Variants in CUX1 observed in about 807,000 individuals in gnomAD.
CUX1 encodes cut like homeobox 1.
CUX1 carries 31 observed loss-of-function variants against 158.8 expected under a neutral mutation model. The observed-to-expected ratio is 0.20, with a 90% CI of 0.15 to 0.26. The LOEUF is 0.26. CUX1 is among the 10% of genes least tolerant of loss of function. The pLI, the probability that CUX1 is intolerant of heterozygous loss-of-function variation, is 1.00. For missense variants in CUX1, 1,589 were observed against 2,014.6 expected (o/e 0.79, Z 4.04); for synonymous variants, 879 against 862.1 (o/e 1.02, Z -0.34).
intron 2 of CUX1, among the ~76,000 whole-genome samples, chr7:101,959,838 A>T (rs567517026): frequency 6.6e-6 from 1 of 152,318 alleles, no homozygotes; most frequent in African/African-American, 2.4e-5. Flanking sequence ...GACATGGTAC[A>T]ACCTGTGGAC....
At position 102,201,827 on chromosome 7, in the gene CUX1, G is replaced by C. The variant is rs782040276; in HGVS notation, c.2530G>C (p.Glu844Gln). Residue 844 changes from glutamate to glutamine, a missense_variant, in exon 18 of 24, where the codon GAA (glutamate) becomes CAA (glutamine). Physicochemically the swap from Glu to Gln is conservative, Grantham distance 29. This residue lies in a region of CUX1 where 337 missense variants were observed against 409.3 expected (regional missense o/e 0.82). Coordinates refer to ENST00000292535, the MANE Select transcript of CUX1 (RefSeq NM_181552.4). This position sits in a 1 kb window ranked among gnomAD's most constrained non-coding sequence, Gnocchi z 5.0. ...CGCCTCCTCCGAGGAGGCCAAGGCC[G>C]AAGAAACGGGCGGCGGGAAAGAGAA... ...NAASSEEAKA[E>Q]ETGGGKEKGS... is the part of the protein sequence containing the mutation. The C allele has an allele frequency of 1.2e-6, 2 of 1,613,168 alleles. No individual in the cohort carries two copies. Among genetic ancestry groups the C allele is most frequent in the South Asian group, 2.2e-5 (2 of 91,076 alleles).
intron 1 of CUX1, among the ~76,000 whole-genome samples, chr7:101,906,167 C>G (rs559062359): frequency 3.9e-4 from 59 of 152,018 alleles, no homozygotes; most frequent in African/African-American, 1.4e-3. Context: ...CTGTGATGTC[C>G]CCAGGACCCT....
At chr7:102,199,568 G>A (rs1795177028) in intron 16 of CUX1, among the ~76,000 whole-genome samples, 1 of 152,202 alleles carries the variant, frequency 6.6e-6, no homozygotes, top group Admixed American at 6.5e-5. Flanking sequence ...GTGATAATAG[G>A]TGCAAACAAT....
Position 102,272,220 on chromosome 7 carries a change from C to T in CUX1, c.1256-1146C>T, listed in dbSNP as rs535080047. On this transcript the variant is annotated intron_variant, in intron 14 of 22. Coordinates refer to the CUX1 transcript ENST00000292538. ...TTGGTGTGCAGTGGGAACCCAGGAGCATGTGGGGGTGAGGCTGGGCTGCCC... is the reference window on the plus strand; with the variant it reads ...TTGGTGTGCAGTGGGAACCCAGGAGTATGTGGGGGTGAGGCTGGGCTGCCC... Among the ~76,000 whole-genome samples the T allele has an allele frequency of 5.9e-5, 9 of 152,306 alleles. No individual in the cohort carries two copies. The East Asian group carries it at 1.7e-3, about 29-fold the overall frequency.
chr7:101,915,319 C>G (rs1426729494), intron 1 of CUX1, among the ~76,000 whole-genome samples: 1 of 152,094 alleles, frequency 6.6e-6, no homozygotes, highest in Non-Finnish European at 1.5e-5. Flanking sequence ...TTCTCTGGCG[C>G]GTTGATTATC....
intron 12 of CUX1, among the ~76,000 whole-genome samples, 191 bp downstream of exon 12, chr7:102,190,062 G>T (rs1292859941): frequency 6.6e-6 from 1 of 152,266 alleles, no homozygotes; most frequent in Admixed American, 6.5e-5. Flanking sequence ...TTGCCCTTGG[G>T]CCTGTCCCTG....
At chr7:102,185,390 C>T (rs1490340505) in intron 11 of CUX1, among the ~76,000 whole-genome samples, 1 of 152,006 alleles carries the variant, frequency 6.6e-6, no homozygotes, top group Non-Finnish European at 1.5e-5. Context: ...GAAGTCAAGT[C>T]TGGGTGGGTA....
chr7:102,082,339 C>T (rs1330117893), intron 4 of CUX1, among the ~76,000 whole-genome samples: 1 of 146,458 alleles, frequency 6.8e-6, no homozygotes, highest in Non-Finnish European at 1.5e-5. Context: ...CCAGCCTGGC[C>T]AACATGGTGA....
chr7:101,853,601 G>GTGTGTGTGTGTGTGTGTGTGTA (rs1274573868), intron 1 of CUX1, among the ~76,000 whole-genome samples: 2 of 151,892 alleles, frequency 1.3e-5, no homozygotes, highest in African/African-American at 4.8e-5. Flanking sequence ...GTGTGTGTGT[G>GTGTGTGTGTGTGTGTGTGTGTA]TGTGTGTGTG....
chr7:102,243,594 G>C (rs184207484), intron 23 of CUX1, among the ~76,000 whole-genome samples: 2 of 150,786 alleles, frequency 1.3e-5, no homozygotes, highest in East Asian at 3.9e-4. Context: ...GAGGCCAGGA[G>C]TTTGAGACCA....
chr7:101,917,119 C>T (rs1421138080), intron 2 of CUX1, among the ~76,000 whole-genome samples: 1 of 152,178 alleles, frequency 6.6e-6, no homozygotes, highest in African/African-American at 2.4e-5. Context: ...TTCTCCGTAT[C>T]GTAGCTCTTG....
chr7:102,176,490 G>A lies in CUX1; in HGVS notation c.829-1979G>A, dbSNP rs181780661. ...CTCTGCCCTCTCCACCCCTGTCCCC[G>A]TCTGTCATGCCCAGAATTGCATCTG... On this transcript the variant is annotated intron_variant, in intron 10 of 23. Coordinates refer to ENST00000292535, the MANE Select transcript of CUX1 (RefSeq NM_181552.4). Among the ~76,000 whole-genome samples the A allele has an allele frequency of 8.0e-5, 12 of 149,780 alleles. No individual in the cohort carries two copies. The South Asian group carries it at 8.4e-4, about 11-fold the overall frequency.
In CUX1 at chr7:102,277,382, G is replaced by C. The variant is rs371684512; in HGVS notation, c.1564-567G>C. Among the ~76,000 whole-genome samples the C allele has an allele frequency of 4.2e-4, 64 of 152,210 alleles. No homozygotes were observed. The South Asian group carries it at 6.6e-3, about 16-fold the overall frequency. On this transcript the variant is annotated intron_variant, in intron 17 of 22. Transcript: ENST00000292538. ...AGGCAGAGATGGGTGGATCACCTGA[G>C]ATCAGGAGTTCGAGACCAGCCTGAA...
At chr7:102,274,169 C>A in intron 15 of CUX1, 1 of 1,461,154 alleles carries the variant, frequency 6.8e-7, no homozygotes, top group South Asian at 1.1e-5. Context: ...TGCCATTTGC[C>A]TTGGCCATGC....
intron 1 of CUX1, among the ~76,000 whole-genome samples, chr7:101,903,078 T>C (rs1802334028): frequency 6.6e-6 from 1 of 152,192 alleles, no homozygotes; most frequent in Non-Finnish European, 1.5e-5. Flanking sequence ...AAGCCTCGGT[T>C]TCCTTATCTG....
intron 1 of CUX1, chr7:101,913,228 C>T (rs1803701009): frequency 2.4e-6 from 1 of 424,816 alleles, no homozygotes. Flanking sequence ...GGGGCGGCGG[C>T]AGCTCAGTCT....
intron 2 of CUX1, among the ~76,000 whole-genome samples, chr7:101,985,617 T>C (rs1176048796): frequency 6.6e-6 from 1 of 152,230 alleles, no homozygotes; most frequent in Non-Finnish European, 1.5e-5. Flanking sequence ...GCCAGGTGGC[T>C]GGGCCACTTT....
intron 12 of CUX1, among the ~76,000 whole-genome samples, 187 bp from the exon 13 acceptor site, chr7:102,193,655 A>T (rs1030527436): frequency 6.6e-6 from 1 of 152,220 alleles, no homozygotes; most frequent in Non-Finnish European, 1.5e-5. Flanking sequence ...AAATACAAAA[A>T]TTAGCTGGGC....
At chr7:101,889,475 A>G (rs1208745544) in intron 1 of CUX1, among the ~76,000 whole-genome samples, 1 of 152,150 alleles carries the variant, frequency 6.6e-6, no homozygotes, top group Non-Finnish European at 1.5e-5. Flanking sequence ...TTCTCCTTCT[A>G]AAAACATCCA....
Sources: gnomAD v4.1 joint callset for allele counts (sites outside exome capture counted in the v4.1 genomes callset) on GRCh38, gnomAD v4.1.1 for gene constraint, gnomAD v4.1.1 regional missense constraint, Gnocchi (gnomAD v3.1) non-coding constraint, MANE v1.5 for transcripts, NCBI Gene and HGNC (gene_info 2026-07-23, HGNC 2026-07-21) for gene names.